The following DOCK2 variants were observed in gnomAD, a reference collection of about 807,000 sequenced individuals.
The protein encoded by DOCK2 is dedicator of cytokinesis protein 2.
DOCK2 carries 87 observed loss-of-function variants against 248.9 expected under a neutral mutation model. That is an observed-to-expected ratio of 0.35 (90% CI 0.29 to 0.42). DOCK2 has a LOEUF of 0.42. Ranked by LOEUF, DOCK2 falls within the 10% of genes least tolerant of loss-of-function variation. The probability of loss-of-function intolerance (pLI) is 1.00; values close to 1 mark genes in which losing one functional copy is unlikely to be tolerated. For synonymous variants in DOCK2, 805 were observed against 821.6 expected (o/e 0.98, Z 0.35); for missense variants, 1,747 against 2,300.2 (o/e 0.76, Z 4.92).
rs150446725 is a variant in DOCK2 at position 169,987,830 on chromosome 5, C to T, written c.2993+1908C>T. Reference sequence around the variant, plus strand: ...GTCAGCCAAGTACTTATGTTTTGTACATTAAAGAAAAAAGTTAGACTCTAG... The same window carrying T: ...GTCAGCCAAGTACTTATGTTTTGTATATTAAAGAAAAAAGTTAGACTCTAG... On this transcript the variant is annotated intron_variant, in intron 29 of 51. Transcript: ENST00000520908. Among the ~76,000 whole-genome samples the T allele has an allele frequency of 3.3e-3, 504 of 152,232 alleles. 2 individuals are homozygous for T. Among genetic ancestry groups the T allele is most frequent in the Middle Eastern group, 6.8e-3 (2 of 294 alleles).
chr5:169,800,335 G>C (rs1017189475), intron 25 of DOCK2, among the ~76,000 whole-genome samples: 1 of 152,018 alleles, frequency 6.6e-6, no homozygotes, highest in Admixed American at 6.6e-5. Context: ...TAAACCACCA[G>C]TGTTCCCTAA....
chr5:169,686,649 C>T (rs1395833783), intron 8 of DOCK2, among the ~76,000 whole-genome samples: 1 of 152,180 alleles, frequency 6.6e-6, no homozygotes, highest in African/African-American at 2.4e-5. Flanking sequence ...GAAATCTGGG[C>T]TCCTGCCTGC....
At chr5:169,786,876 T>C (rs546937822) in intron 25 of DOCK2, among the ~76,000 whole-genome samples, 2 of 152,332 alleles carry the variant, frequency 1.3e-5, no homozygotes, top group African/African-American at 2.4e-5. Context: ...CTTAAGTATA[T>C]AGTAAATCTA....
intron 8 of DOCK2, among the ~76,000 whole-genome samples, chr5:169,688,771 A>G (rs114772410): frequency 6.6e-6 from 1 of 152,316 alleles, no homozygotes; most frequent in African/African-American, 2.4e-5. Context: ...ATGACCCATC[A>G]CTGTATGACA....
chr5:170,013,799 C>G (rs559578766), intron 32 of DOCK2, among the ~76,000 whole-genome samples: 1 of 152,246 alleles, frequency 6.6e-6, no homozygotes, highest in East Asian at 1.9e-4. Flanking sequence ...GAAACTAACA[C>G]ACACATCCTC....
intron 29 of DOCK2, 117 bp downstream of exon 29, chr5:169,986,039 G>T: frequency 3.2e-6 from 3 of 944,424 alleles, no homozygotes; most frequent in Admixed American, 2.6e-5. Context: ...AAAGTGTTAA[G>T]GCATGCTTTC....
intron 14 of DOCK2, among the ~76,000 whole-genome samples, chr5:169,704,414 C>T (rs1761133990): frequency 6.6e-6 from 1 of 152,006 alleles, no homozygotes; most frequent in Admixed American, 6.6e-5. Context: ...TAGGCCTGCT[C>T]ATGGCTCACC....
chr5:169,953,381 C>A (rs1221828495), intron 27 of DOCK2, among the ~76,000 whole-genome samples: 2 of 150,358 alleles, frequency 1.3e-5, no homozygotes, highest in Admixed American at 6.6e-5. Context: ...TAGAATAAGA[C>A]TGGAGTGTGA....
At chr5:170,061,170 A>G (rs1757314834) in intron 44 of DOCK2, among the ~76,000 whole-genome samples, 1 of 152,080 alleles carries the variant, frequency 6.6e-6, no homozygotes, top group Admixed American at 6.6e-5. Flanking sequence ...CTGATAATTC[A>G]TTTTCTCTTC....
intron 44 of DOCK2, among the ~76,000 whole-genome samples, chr5:170,065,280 A>G (rs368837471): frequency 3.3e-4 from 51 of 152,318 alleles, no homozygotes; most frequent in African/African-American, 1.1e-3. Flanking sequence ...AAAGACCCAC[A>G]GCATATCACT....
intron 22 of DOCK2, among the ~76,000 whole-genome samples, chr5:169,741,467 C>T (rs1422823727): frequency 2.0e-5 from 3 of 152,146 alleles, no homozygotes; most frequent in Non-Finnish European, 4.4e-5. Flanking sequence ...GGAGAGAATA[C>T]ACATCACTCC....
chr5:169,647,451 T>C (rs1272206476), intron 1 of DOCK2, among the ~76,000 whole-genome samples: 1 of 152,126 alleles, frequency 6.6e-6, no homozygotes, highest in Non-Finnish European at 1.5e-5. Flanking sequence ...ATGGACTGAG[T>C]TGCCCCATCT....
chr5:169,788,472 C>T (rs1766129592), intron 25 of DOCK2, among the ~76,000 whole-genome samples: 1 of 152,202 alleles, frequency 6.6e-6, no homozygotes, highest in Non-Finnish European at 1.5e-5. Context: ...GACTACTAAA[C>T]TCAGTGTAGA....
chr5:169,867,625 CATCTATCTATCT>C (rs35247242), intron 27 of DOCK2, among the ~76,000 whole-genome samples: 2 of 150,818 alleles, frequency 1.3e-5, no homozygotes, highest in Non-Finnish European at 3.0e-5. Flanking sequence ...CATTATCTAT[CATCTATCTATCT>C]ATCTATCTAT....
At chr5:169,960,673 T>C (rs367736397) in intron 27 of DOCK2, among the ~76,000 whole-genome samples, 2 of 152,234 alleles carry the variant, frequency 1.3e-5, no homozygotes, top group East Asian at 1.9e-4. Context: ...TTCGGGTCTC[T>C]ATATTGTTGT....
intron 41 of DOCK2, among the ~76,000 whole-genome samples, chr5:170,052,484 A>C (rs564016443): frequency 2.6e-5 from 4 of 152,316 alleles, no homozygotes; most frequent in East Asian, 1.9e-4. Context: ...GGAAGGGCTA[A>C]TATTTGCTAA....
At chr5:170,021,248 A>C (rs922052343) in intron 33 of DOCK2, among the ~76,000 whole-genome samples, 2 of 152,228 alleles carry the variant, frequency 1.3e-5, no homozygotes, top group Non-Finnish European at 2.9e-5. Flanking sequence ...GTTTGAAGGC[A>C]GCTTGGAATT....
intron 12 of DOCK2, 131 bp downstream of exon 12, chr5:169,699,589 G>A (rs1760841019): frequency 2.3e-6 from 2 of 877,198 alleles, no homozygotes; most frequent in Middle Eastern, 2.3e-4. Context: ...GGGAAGAATG[G>A]GAACATATGA....
chr5:169,965,699 A>T (rs1308979524), intron 27 of DOCK2, among the ~76,000 whole-genome samples: 3 of 152,180 alleles, frequency 2.0e-5, no homozygotes, highest in Non-Finnish European at 4.4e-5. Context: ...AGGAAAGGAG[A>T]AGAATTTTGA....
Sources: allele counts gnomAD v4.1 joint callset (sites outside exome capture counted in the v4.1 genomes callset), GRCh38; gene constraint gnomAD v4.1.1; transcripts MANE v1.5; gene names NCBI Gene and HGNC (gene_info 2026-07-23, HGNC 2026-07-21).